Variants in IL1RAPL2 observed in about 807,000 individuals in gnomAD.
IL1RAPL2 encodes X-linked interleukin-1 receptor accessory protein-like 2.
A neutral mutation model predicts 44.1 loss-of-function variants in IL1RAPL2; 3 were observed. That is an observed-to-expected ratio of 0.07 (90% CI 0.03 to 0.18). The LOEUF is 0.18. Among genes scored for constraint, IL1RAPL2 ranks in the 10% least tolerant of loss-of-function variants. The pLI is 1.00. For missense variants in IL1RAPL2, 391 were observed against 496.4 expected, an observed-to-expected ratio of 0.79 and a Z score of 2.02; for synonymous variants, 181 against 178.8, an observed-to-expected ratio of 1.01 and a Z score of -0.10.
At chrX:105,360,802 A>G (rs950177982) in intron 5 of IL1RAPL2, among the ~76,000 whole-genome samples, 2 of 111,417 alleles carry the variant, frequency 1.8e-5, no homozygotes, top group African/African-American at 6.5e-5. Context: ...ATGACTCACC[A>G]GTGATATAAA....
At chrX:104,720,524 C>T (rs921676069) in intron 2 of IL1RAPL2, among the ~76,000 whole-genome samples, 2 of 111,349 alleles carry the variant, frequency 1.8e-5, no homozygotes, top group Admixed American at 1.9e-4. Flanking sequence ...GAAATCAGGT[C>T]GTAGAAATAA....
chrX:104,675,443 A>T (rs1421850062), intron 2 of IL1RAPL2, among the ~76,000 whole-genome samples: 106 of 111,567 alleles, frequency 9.5e-4, no homozygotes, highest in African/African-American at 3.3e-3. Context: ...TTCTAGTTTG[A>T]TTGCACTGTG....
chrX:105,151,172 C>G (rs542597759), intron 2 of IL1RAPL2, among the ~76,000 whole-genome samples: 3 of 111,855 alleles, frequency 2.7e-5, no homozygotes, highest in African/African-American at 9.8e-5. Context: ...TGTCTCTGGA[C>G]CACTGCTTTG....
At position 105,665,737 on chromosome X, in the gene IL1RAPL2, TTTTTG is replaced by T. The variant is rs1328154921; in HGVS notation, c.773-51625_773-51621del. 1.4e-4 allele frequency among the ~76,000 whole-genome samples: 12 copies of T among 88,023 alleles called. 1 individual carries two copies. Among genetic ancestry groups the T allele is most frequent in the African/African-American group, 2.0e-4 (4 of 20,056 alleles). The allele number at this position is 88,023 out of a possible 115,157, so 76.4% of individuals were successfully genotyped here. ...TAGTTTTTATTTTTGTTTTTTTGTT[TTTTTG>T]TTTTTTTTTTTTTGTTGTTGTTGTT... On this transcript the variant is annotated intron_variant, in intron 6 of 10. Coordinates refer to ENST00000372582, the MANE Select transcript of IL1RAPL2 (RefSeq NM_017416.2).
At chrX:105,295,713 A>T (rs1379011828) in intron 5 of IL1RAPL2, among the ~76,000 whole-genome samples, 1 of 112,339 alleles carries the variant, frequency 8.9e-6, no homozygotes, top group African/African-American at 3.2e-5. Context: ...ATACATGCAC[A>T]TTGGCTCATG....
At chrX:105,171,589 A>G (rs980939538) in intron 2 of IL1RAPL2, among the ~76,000 whole-genome samples, 2 of 110,524 alleles carry the variant, frequency 1.8e-5, no homozygotes, top group Non-Finnish European at 3.8e-5. Context: ...TCTACCTTCC[A>G]TCATATAGAA....
intron 2 of IL1RAPL2, among the ~76,000 whole-genome samples, chrX:104,792,710 A>G (rs892009778): frequency 9.0e-6 from 1 of 111,519 alleles, no homozygotes; most frequent in Non-Finnish European, 1.9e-5. Flanking sequence ...AGAGTCCTGC[A>G]GTTATTAGAA....
chrX:105,260,594 G>C (rs946028536), intron 4 of IL1RAPL2, among the ~76,000 whole-genome samples: 1 of 106,691 alleles, frequency 9.4e-6, no homozygotes, highest in Non-Finnish European at 1.9e-5. Context: ...AATCTCTGTT[G>C]GTTGGAAAAT....
At chrX:105,053,563 CAG>C (rs1418212187) in intron 2 of IL1RAPL2, among the ~76,000 whole-genome samples, 2 of 111,239 alleles carry the variant, frequency 1.8e-5, no homozygotes, top group Admixed American at 1.9e-4. Context: ...CCTAAGAAAA[CAG>C]AGTCTAGAAC....
intron 2 of IL1RAPL2, among the ~76,000 whole-genome samples, chrX:105,098,972 T>G (rs1318031679): frequency 8.9e-6 from 1 of 112,476 alleles, no homozygotes; most frequent in East Asian, 2.8e-4. Flanking sequence ...TAGGTAAGAC[T>G]GTGATGAAGC....
intron 6 of IL1RAPL2, among the ~76,000 whole-genome samples, chrX:105,631,060 A>G (rs755893519): frequency 4.5e-5 from 5 of 111,437 alleles, no homozygotes; most frequent in Non-Finnish European, 7.5e-5. Context: ...ATCTGATCCA[A>G]TTGTGGGGTA....
At chrX:105,073,867 T>C (rs1012118461) in intron 2 of IL1RAPL2, among the ~76,000 whole-genome samples, 5 of 111,697 alleles carry the variant, frequency 4.5e-5, no homozygotes, top group Admixed American at 9.5e-5. Flanking sequence ...TCATATCCTT[T>C]GCCCACTTTT....
intron 5 of IL1RAPL2, among the ~76,000 whole-genome samples, chrX:105,319,340 C>A (rs1238625973): frequency 9.0e-6 from 1 of 111,725 alleles, no homozygotes; most frequent in Non-Finnish European, 1.9e-5. Flanking sequence ...TCAAAACTCC[C>A]AATGTATTAA....
chrX:105,279,600 C>T (rs1281868937), intron 5 of IL1RAPL2, among the ~76,000 whole-genome samples: 1 of 111,419 alleles, frequency 9.0e-6, no homozygotes, highest in African/African-American at 3.3e-5. Flanking sequence ...CTGCCTCAGC[C>T]TCCCGAGTAG....
chrX:104,917,810 T>G (rs1017635139), intron 2 of IL1RAPL2, among the ~76,000 whole-genome samples: 1 of 111,644 alleles, frequency 9.0e-6, no homozygotes, highest in African/African-American at 3.3e-5. Context: ...TAGAAACAAT[T>G]AATAGAAACC....
At chrX:104,654,713 G>C (rs775845210) in intron 1 of IL1RAPL2, among the ~76,000 whole-genome samples, 134 of 111,410 alleles carry the variant, frequency 1.2e-3, no homozygotes, top group African/African-American at 4.1e-3. Context: ...CGTGAAGAAA[G>C]TCATTGGTAG....
intron 2 of IL1RAPL2, among the ~76,000 whole-genome samples, chrX:104,874,183 C>T (rs949208191): frequency 5.5e-5 from 6 of 110,017 alleles, no homozygotes; most frequent in African/African-American, 2.0e-4. Context: ...GTTTTTCCCC[C>T]AACTCTGCTT....
At chrX:104,887,257 A>G (rs772759805) in intron 2 of IL1RAPL2, among the ~76,000 whole-genome samples, 2 of 112,321 alleles carry the variant, frequency 1.8e-5, no homozygotes, top group Non-Finnish European at 3.8e-5. Context: ...GGACAGAAAC[A>G]GCCTTCAAAA....
rs1284472144 is a variant in IL1RAPL2 at position 104,597,056 on chromosome X, C to G, written c.-20+30005C>G. On this transcript the variant is annotated intron_variant, in intron 1 of 10. Transcript: ENST00000372582. ...ATATGCTGAAAAGAGACATGATAGGCCAGGCATGGTGTCTCACGCCTGCAA... is the reference window on the plus strand; with the variant it reads ...ATATGCTGAAAAGAGACATGATAGGGCAGGCATGGTGTCTCACGCCTGCAA... 1.8e-5 allele frequency among the ~76,000 whole-genome samples: 2 copies of G among 111,005 alleles called. 1 individual carries two copies. Among genetic ancestry groups the G allele is most frequent in the Non-Finnish European group, 3.8e-5 (2 of 53,004 alleles).
Sources: allele counts gnomAD v4.1 joint callset (sites outside exome capture counted in the v4.1 genomes callset), GRCh38; gene constraint gnomAD v4.1.1; transcripts MANE v1.5; gene names NCBI Gene and HGNC (gene_info 2026-07-23, HGNC 2026-07-21).